PACS1: variants seen among roughly 807,000 people sequenced by gnomAD.
The protein encoded by PACS1 is PACS-1.
In PACS1, 24 loss-of-function variants were observed where a neutral mutation model predicts 115.0. The observed-to-expected ratio is 0.21, with a 90% CI of 0.15 to 0.29. PACS1 has a LOEUF of 0.29. Among genes scored for constraint, PACS1 ranks in the 10% least tolerant of loss-of-function variants. The pLI, the probability that PACS1 is intolerant of heterozygous loss-of-function variation, is 1.00. For synonymous variants in PACS1, 453 were observed against 504.5 expected, an observed-to-expected ratio of 0.90 and a Z score of 1.37; for missense variants, 838 against 1,251.2, an observed-to-expected ratio of 0.67 and a Z score of 4.98.
chr11:66,232,783 G>A (rs1005474907), intron 14 of PACS1, among the ~76,000 whole-genome samples, 177 bp from the exon 15 acceptor site: 3 of 152,140 alleles, frequency 2.0e-5, no homozygotes, highest in East Asian at 3.9e-4. Context: ...CTCGTGGGTC[G>A]GCCCCACCCC....
intron 1 of PACS1, among the ~76,000 whole-genome samples, chr11:66,095,399 A>G: frequency 6.6e-6 from 1 of 152,202 alleles, no homozygotes; most frequent in Admixed American, 6.5e-5. Flanking sequence ...CTTACACACC[A>G]ATAACAGACA....
intron 1 of PACS1, among the ~76,000 whole-genome samples, chr11:66,096,227 T>C (rs1181537120): frequency 2.8e-5 from 3 of 108,514 alleles, no homozygotes; most frequent in Non-Finnish European, 6.3e-5. Flanking sequence ...TTTTTTTTTT[T>C]TTTTTTGATG....
chr11:66,213,584 C>T (rs1855128433), intron 4 of PACS1, among the ~76,000 whole-genome samples: 1 of 152,244 alleles, frequency 6.6e-6, no homozygotes, highest in African/African-American at 2.4e-5. Flanking sequence ...TCTGTATGCA[C>T]ACATGTGCTC....
chr11:66,080,499 A>G (rs1037440941), intron 1 of PACS1, among the ~76,000 whole-genome samples: 1 of 152,236 alleles, frequency 6.6e-6, no homozygotes, highest in Non-Finnish European at 1.5e-5. Flanking sequence ...AGTGAAGCTG[A>G]TGACCAGAGC....
chr11:66,220,044 G>A (rs1004909394), intron 8 of PACS1, among the ~76,000 whole-genome samples: 3 of 152,108 alleles, frequency 2.0e-5, no homozygotes, highest in Admixed American at 6.5e-5. Context: ...CCGACCCTTG[G>A]TGATGCGCAA....
intron 13 of PACS1, 131 bp from the exon 14 acceptor site, chr11:66,232,041 C>T: frequency 1.6e-6 from 1 of 619,218 alleles, no homozygotes; most frequent in Non-Finnish European, 2.9e-6. Flanking sequence ...CTGAGTCTCC[C>T]TCCCAAAGTC....
rs762363334 is a variant in PACS1, at chr11:66,216,112, CT to C, written c.661-6del. 13 of 1,613,570 alleles carry C rather than the reference CT, an allele frequency of 8.1e-6. No homozygotes were observed. The South Asian group carries it at 1.4e-4, about 18-fold the overall frequency. On this transcript the variant is annotated splice_polypyrimidine_tract_variant and splice_region_variant and intron_variant, in intron 4 of 23. Transcript: ENST00000320580. ...AACACGCCTCCACCACCTCCCCTGG[CT>C]CCTAGGTGATGCAGCATCCTAATGA... is the stretch of plus-strand genomic sequence containing the variant.
Position 66,135,659 on chromosome 11 carries a change from C to CTT in PACS1, c.357-57813_357-57812dup, listed in dbSNP as rs35040826. On this transcript the variant is annotated intron_variant, in intron 1 of 23. Transcript: ENST00000320580. ...ATCCCTGCTGGCCTCCTCTCCTGCG[C>CTT]TTTTTTTTTTTTTTTGAGACAGAGC... is the stretch of plus-strand genomic sequence containing the variant. 8.0e-4 allele frequency among the ~76,000 whole-genome samples: 111 copies of CTT among 138,330 alleles called. 1 individual carries two copies. The highest frequency in any genetic ancestry group is 3.7e-3 in the East Asian group (18 of 4,802). The allele number at this position is 138,330 out of a possible 152,430, so 90.7% of individuals were successfully genotyped here.
intron 1 of PACS1, among the ~76,000 whole-genome samples, chr11:66,085,997 T>A (rs955010233): frequency 6.6e-6 from 1 of 152,206 alleles, no homozygotes; most frequent in Admixed American, 6.5e-5. Flanking sequence ...CCACTGGCGA[T>A]ATGATTTTCT....
rs764655883 is a variant in PACS1, at chr11:66,210,502, C to T, written c.534+51C>T. On this transcript the variant is annotated intron_variant, in intron 3 of 23. Coordinates refer to ENST00000320580, the MANE Select transcript of PACS1 (RefSeq NM_018026.4). ...CTAACATGCTATATCCTGGCTAGTC[C>T]CCAGACAGTCCTCTAACCCAGAGAC... 8 of 1,239,966 alleles carry T rather than the reference C, an allele frequency of 6.5e-6. No homozygotes were observed. In the Admixed American group the frequency reaches 6.7e-5, roughly 10 times the overall value. The allele number at this position is 1,239,966 out of a possible 1,614,324, so 76.8% of individuals were successfully genotyped here. A position where few individuals can be genotyped will look rare whatever the true frequency, so the allele number is the denominator to read the frequency against.
chr11:66,219,616 G>A (rs1010115033), intron 7 of PACS1, 130 bp from the exon 8 acceptor site: 8 of 779,722 alleles, frequency 1.0e-5, no homozygotes, highest in African/African-American at 5.1e-5. Flanking sequence ...GCCAAGGGCA[G>A]AGACCAAGTC....
chr11:66,234,721 A>G (rs888302163), intron 17 of PACS1, among the ~76,000 whole-genome samples: 1 of 152,094 alleles, frequency 6.6e-6, no homozygotes, highest in African/African-American at 2.4e-5. Context: ...CTACAAAAAT[A>G]CAAAAATTAG....
intron 1 of PACS1, among the ~76,000 whole-genome samples, chr11:66,119,608 T>C (rs530969913): frequency 2.6e-5 from 4 of 152,256 alleles, no homozygotes; most frequent in Non-Finnish European, 5.9e-5. Flanking sequence ...TCTTTTCCTA[T>C]CTCCCACCAA....
At chr11:66,175,811 G>A (rs1257655048) in intron 1 of PACS1, among the ~76,000 whole-genome samples, 1 of 152,160 alleles carries the variant, frequency 6.6e-6, no homozygotes, top group Non-Finnish European at 1.5e-5. Flanking sequence ...CCTGAGCGTC[G>A]TCTCTGATTT....
intron 17 of PACS1, 25 bp downstream of exon 17, chr11:66,234,267 A>C (rs1855662094): frequency 6.5e-7 from 1 of 1,527,004 alleles, no homozygotes; most frequent in African/African-American, 1.4e-5. Flanking sequence ...TAAGGAGCTT[A>C]CTCCCACCCC....
At chr11:66,220,607 T>G in intron 8 of PACS1, 24 bp from the exon 9 acceptor site, 1 of 1,613,908 alleles carries the variant, frequency 6.2e-7, no homozygotes, top group Non-Finnish European at 8.5e-7. Context: ...GACCCTAAAT[T>G]CAGAGACTCC....
Position 66,138,700 on chromosome 11 carries a change from C to T in PACS1, c.357-54786C>T, listed in dbSNP as rs1445758573. 5.8e-4 allele frequency among the ~76,000 whole-genome samples: 76 copies of T among 131,428 alleles called. No homozygotes were observed. In the East Asian group the frequency reaches 0.012, roughly 20 times the overall value. The allele number at this position is 131,428 out of a possible 152,430, so 86.2% of individuals were successfully genotyped here. A position where few individuals can be genotyped will look rare whatever the true frequency, so the allele number is the denominator to read the frequency against. On this transcript the variant is annotated intron_variant, in intron 1 of 23. Transcript: ENST00000320580. ...TGCTGTCTGCACTTTTTTTTTTTTT[C>T]GAGACAAAGTCTTGCTCTGTCGCCC... is the stretch of plus-strand genomic sequence containing the variant.
At chr11:66,159,257 G>A (rs1859434723) in intron 1 of PACS1, among the ~76,000 whole-genome samples, 2 of 152,128 alleles carry the variant, frequency 1.3e-5, no homozygotes. Flanking sequence ...GACCAACATG[G>A]GGAAACCCCA....
rs962617678 is a variant in PACS1 at position 66,235,585 on chromosome 11, A to T, written c.2207+182A>T. ...ACTCCTTCCTTGCCCAAGGCCTCCC[A>T]CCCATAGGAGCCTGAGTTCATCAGT... On this transcript the variant is annotated intron_variant, in intron 18 of 23. Transcript: ENST00000320580. This position sits in a 1 kb window ranked among gnomAD's most constrained non-coding sequence, Gnocchi z 5.6. 2 of 604,312 alleles carry T rather than the reference A, an allele frequency of 3.3e-6. No individual in the cohort carries two copies. Among genetic ancestry groups the T allele is most frequent in the African/African-American group, 3.8e-5 (2 of 53,260 alleles). The allele number at this position is 604,312 out of a possible 1,614,324, so 37.4% of individuals were successfully genotyped here. A position where few individuals can be genotyped will look rare whatever the true frequency, so the allele number is the denominator to read the frequency against.
Sources: gnomAD v4.1 joint callset for allele counts (sites outside exome capture counted in the v4.1 genomes callset) on GRCh38, gnomAD v4.1.1 for gene constraint, Gnocchi (gnomAD v3.1) non-coding constraint, MANE v1.5 for transcripts, NCBI Gene and HGNC (gene_info 2026-07-23, HGNC 2026-07-21) for gene names.